EYS: variants seen among roughly 807,000 people sequenced by gnomAD.
EYS encodes EGF-like photoreceptor maintenance factor.
Under a neutral mutation model 282.1 loss-of-function variants are expected in EYS, and 250 were observed. The ratio of observed to expected loss-of-function variants is 0.89; its 90% CI spans 0.80 to 0.98. EYS has a LOEUF of 0.98. Ranked by LOEUF, EYS falls within the 50% of genes least tolerant of loss-of-function variation. The pLI, the probability that EYS is intolerant of heterozygous loss-of-function variation, is 0.00. For missense variants in EYS, 4,016 were observed against 3,709.0 expected (o/e 1.08, Z -2.15); for synonymous variants, 1,355 against 1,282.9 (o/e 1.06, Z -1.20).
chr6:63,917,027 A>G (rs997039359), intron 35 of EYS, among the ~76,000 whole-genome samples: 42 of 152,258 alleles, frequency 2.8e-4, no homozygotes, highest in African/African-American at 9.9e-4. Flanking sequence ...TGAGGAAAGG[A>G]AAGAATTTAG....
intron 1 of EYS, among the ~76,000 whole-genome samples, chr6:65,642,084 G>T (rs1767295211): frequency 6.6e-6 from 1 of 152,044 alleles, no homozygotes; most frequent in African/African-American, 2.4e-5. Context: ...AATATATAGG[G>T]CCTCGAGGAG....
chr6:64,692,690 C>T (rs542613255), intron 22 of EYS, among the ~76,000 whole-genome samples: 1 of 152,252 alleles, frequency 6.6e-6, no homozygotes, highest in Non-Finnish European at 1.5e-5. Context: ...AGGCATCCAG[C>T]TTCAGCCTAC....
chr6:65,327,417 A>G (rs1194023741), intron 11 of EYS, among the ~76,000 whole-genome samples: 3 of 151,206 alleles, frequency 2.0e-5, no homozygotes, highest in Non-Finnish European at 4.4e-5. Context: ...TGTTTTATTT[A>G]TTTATTTTGT....
chr6:64,257,249 C>T (rs898097806), intron 30 of EYS, among the ~76,000 whole-genome samples: 13 of 151,882 alleles, frequency 8.6e-5, no homozygotes, highest in East Asian at 1.9e-4. Context: ...AATAAAGCTT[C>T]GTAAATTTAA....
At chr6:64,151,354 T>TATATATATATATATATAA (rs1562226794) in intron 31 of EYS, among the ~76,000 whole-genome samples, 1 of 116,116 alleles carries the variant, frequency 8.6e-6, no homozygotes, top group African/African-American at 4.1e-5. Flanking sequence ...TATATATATA[T>TATATATATATATATATAA]ATATATATAA....
At position 64,062,312 on chromosome 6, in the gene EYS, C is replaced by T. The variant is rs141062881; in HGVS notation, c.6725+4026G>A. Among the ~76,000 whole-genome samples the T allele has an allele frequency of 7.0e-3, 1,073 of 152,270 alleles. 10 individuals carry two copies. Among genetic ancestry groups the T allele is most frequent in the Middle Eastern group, 0.01 (3 of 294 alleles). ...CCACAATGACAGGAATCAGAAGCCTCAAGCTATGTATCTCTATTTTCCCTG... is the reference window on the plus strand; with the variant it reads ...CCACAATGACAGGAATCAGAAGCCTTAAGCTATGTATCTCTATTTTCCCTG... On this transcript the variant is annotated intron_variant, in intron 33 of 42. Transcript: ENST00000503581.
At chr6:64,285,217 A>T (rs1262005055) in intron 30 of EYS, among the ~76,000 whole-genome samples, 1 of 150,630 alleles carries the variant, frequency 6.6e-6, no homozygotes, top group African/African-American at 2.5e-5. Context: ...TTTCTTCCAA[A>T]TCACCTCTTG....
At chr6:65,047,355 A>T (rs879646742) in intron 13 of EYS, among the ~76,000 whole-genome samples, 1 of 151,872 alleles carries the variant, frequency 6.6e-6, no homozygotes, top group Non-Finnish European at 1.5e-5. Flanking sequence ...CGACAGATTC[A>T]TCACTGTTGA....
At chr6:64,905,082 A>G (rs1416588416) in intron 16 of EYS, among the ~76,000 whole-genome samples, 2 of 152,222 alleles carry the variant, frequency 1.3e-5, no homozygotes, top group Non-Finnish European at 2.9e-5. Flanking sequence ...TCTAATAACA[A>G]TGATCTATAA....
At chr6:65,496,982 A>G (rs1582379214) in intron 2 of EYS, among the ~76,000 whole-genome samples, 1 of 152,076 alleles carries the variant, frequency 6.6e-6, no homozygotes, top group East Asian at 1.9e-4. Flanking sequence ...TTATAAATCT[A>G]TGAAATATAA....
chr6:64,048,659 G>A (rs1471996182), intron 33 of EYS, among the ~76,000 whole-genome samples: 37 of 151,846 alleles, frequency 2.4e-4, no homozygotes, highest in Admixed American at 2.4e-3. Flanking sequence ...CTGGAGGTCT[G>A]AAGTATTATG....
At chr6:64,319,235 A>G (rs1269530558) in intron 29 of EYS, among the ~76,000 whole-genome samples, 1 of 152,058 alleles carries the variant, frequency 6.6e-6, no homozygotes, top group Non-Finnish European at 1.5e-5. Context: ...TTGGTATTAC[A>G]AAAACAACTT....
At chr6:63,782,729 G>T (rs1355702459) in intron 39 of EYS, among the ~76,000 whole-genome samples, 2 of 151,948 alleles carry the variant, frequency 1.3e-5, no homozygotes, top group African/African-American at 4.8e-5. Context: ...TTTTTGAAGG[G>T]GTTTTTGTGT....
chr6:64,599,524 G>A (rs950688690), intron 24 of EYS, among the ~76,000 whole-genome samples: 4 of 152,148 alleles, frequency 2.6e-5, no homozygotes, highest in Non-Finnish European at 4.4e-5. Context: ...TAGAAGACCA[G>A]TTACAGATTG....
Position 64,680,985 on chromosome 6 carries a change from T to C in EYS, c.3444-54740A>G, listed in dbSNP as rs774086318. Among the ~76,000 whole-genome samples, 7 of 152,228 alleles carry C rather than the reference T, an allele frequency of 4.6e-5. No homozygotes were observed. In the South Asian group the frequency reaches 6.2e-4, roughly 14 times the overall value. The stretch of plus-strand genomic sequence containing the variant: ...GTATTTAAGAGGAGGCTGGTATATA[T>C]AGCAGAGCAACAAACTAATCCTTAG... On this transcript the variant is annotated intron_variant, in intron 22 of 42. Transcript: ENST00000503581.
intron 37 of EYS, among the ~76,000 whole-genome samples, chr6:63,799,126 G>A (rs1478629314): frequency 2.0e-5 from 3 of 150,084 alleles, no homozygotes; most frequent in East Asian, 2.0e-4. Context: ...TGATTCTCCT[G>A]CCTCAGCCTC....
At chr6:64,100,917 G>A (rs952937128) in intron 31 of EYS, among the ~76,000 whole-genome samples, 1 of 152,042 alleles carries the variant, frequency 6.6e-6, no homozygotes, top group African/African-American at 2.4e-5. Flanking sequence ...AAGTCCCTTG[G>A]AGTTCTAAAC....
chr6:64,761,707 G>A (rs1051292952), intron 22 of EYS, among the ~76,000 whole-genome samples: 10 of 152,006 alleles, frequency 6.6e-5, no homozygotes, highest in African/African-American at 1.5e-4. Context: ...GGCCCACCTC[G>A]GCCTCCCAAA....
chr6:65,024,453 T>C (rs1402511554), intron 13 of EYS, among the ~76,000 whole-genome samples: 1 of 152,184 alleles, frequency 6.6e-6, no homozygotes, highest in South Asian at 2.1e-4. Flanking sequence ...CAGGCTTCTG[T>C]CCAGGCCCTG....
Sources: allele counts gnomAD v4.1 joint callset (sites outside exome capture counted in the v4.1 genomes callset), GRCh38; gene constraint gnomAD v4.1.1; transcripts MANE v1.5; gene names NCBI Gene and HGNC (gene_info 2026-07-23, HGNC 2026-07-21).